The following ARHGAP42 variants were observed in gnomAD, a reference collection of about 807,000 sequenced individuals.
ARHGAP42 encodes the protein Rho GTPase activating protein 42, also known as rho GTPase-activating protein 42.
A neutral mutation model predicts 125.0 loss-of-function variants in ARHGAP42; 63 were observed. The observed-to-expected ratio is 0.50, with a 90% CI of 0.41 to 0.62. ARHGAP42 has a LOEUF of 0.62. Among genes scored for constraint, ARHGAP42 ranks in the 20% least tolerant of loss-of-function variants. ARHGAP42 has a pLI of 0.00. For missense variants in ARHGAP42, 766 were observed against 1,024.2 expected (o/e 0.75, Z 3.44); for synonymous variants, 339 against 351.0 (o/e 0.97, Z 0.38).
Position 100,779,534 on chromosome 11 carries a change from A to ATATATACGTATACATACGTATG in ARHGAP42, c.250+9100_250+9101insTACGTATACATACGTATGTATA, listed in dbSNP as rs1863231736. Among the ~76,000 whole-genome samples the ATATATACGTATACATACGTATG allele has an allele frequency of 4.4e-5, 6 of 136,490 alleles. No individual in the cohort carries two copies. In the South Asian group the frequency reaches 9.3e-4, roughly 21 times the overall value. The allele number at this position is 136,490 out of a possible 152,430, so 89.5% of individuals were successfully genotyped here. A position where few individuals can be genotyped will look rare whatever the true frequency, so the allele number is the denominator to read the frequency against. ...TATATATATACGTATACATGCGTAT[A>ATATATACGTATACATACGTATG]TATACGTATATATATACATATACAT... On this transcript the variant is annotated intron_variant, in intron 2 of 23. Transcript: ENST00000298815.
At chr11:100,861,768 T>G (rs1242113350) in intron 4 of ARHGAP42, among the ~76,000 whole-genome samples, 4 of 152,194 alleles carry the variant, frequency 2.6e-5, no homozygotes, top group Non-Finnish European at 4.4e-5. Context: ...TGAGTGAAAT[T>G]TAGGCTCCTC....
At chr11:100,848,508 T>TC (rs1418513534) in intron 3 of ARHGAP42, among the ~76,000 whole-genome samples, 1 of 148,178 alleles carries the variant, frequency 6.7e-6, no homozygotes, top group Admixed American at 6.7e-5. Context: ...CTTTCTTTCT[T>TC]TTTTTTTTTT....
At chr11:100,901,282 G>A (rs116975906) in intron 4 of ARHGAP42, among the ~76,000 whole-genome samples, 3,304 of 152,290 alleles carry the variant, frequency 0.022, 77 homozygotes, top group Non-Finnish European at 0.035. Flanking sequence ...TCCTCTGCAA[G>A]CTTCGTTCCA....
chr11:100,930,019 G>T (rs982640521), intron 6 of ARHGAP42, among the ~76,000 whole-genome samples: 2 of 152,168 alleles, frequency 1.3e-5, no homozygotes, highest in African/African-American at 4.8e-5. Context: ...AAGTAATTTG[G>T]TTCTATACCC....
chr11:100,772,618 A>G (rs1863009672), intron 2 of ARHGAP42, among the ~76,000 whole-genome samples: 2 of 152,162 alleles, frequency 1.3e-5, no homozygotes, highest in South Asian at 2.1e-4. Flanking sequence ...GGGGAAGGGC[A>G]GCATTAGGGA....
At chr11:100,987,205 T>G (rs1440547607) in intron 22 of ARHGAP42, among the ~76,000 whole-genome samples, 1 of 152,182 alleles carries the variant, frequency 6.6e-6, no homozygotes, top group African/African-American at 2.4e-5. Flanking sequence ...ATTTAGCAAC[T>G]TATTAAACAG....
intron 1 of ARHGAP42, among the ~76,000 whole-genome samples, chr11:100,702,763 C>A (rs1217464268): frequency 6.6e-6 from 1 of 151,778 alleles, no homozygotes; most frequent in Non-Finnish European, 1.5e-5. Context: ...GCTCTGCCTC[C>A]CAGGTTCAAG....
intron 4 of ARHGAP42, among the ~76,000 whole-genome samples, chr11:100,896,157 G>A (rs557589930): frequency 1.3e-5 from 2 of 152,220 alleles, no homozygotes; most frequent in South Asian, 2.1e-4. Flanking sequence ...CCATGTTCCT[G>A]CAAAGGACAT....
At position 100,694,827 on chromosome 11, in the gene ARHGAP42, G is replaced by A. The variant is rs148449416; in HGVS notation, c.154+6995G>A. 2.8e-4 allele frequency among the ~76,000 whole-genome samples: 42 copies of A among 152,300 alleles called. 1 individual carries two copies. In the East Asian group the frequency reaches 7.9e-3, roughly 29 times the overall value. ...GTGGATCACTTGAGGTCAGGAATTC[G>A]AGACCAGCCTGGCCAACATGGTGAA... On this transcript the variant is annotated intron_variant, in intron 1 of 23. Transcript: ENST00000298815.
intron 5 of ARHGAP42, among the ~76,000 whole-genome samples, chr11:100,916,697 G>T (rs1336433110): frequency 6.6e-6 from 1 of 152,020 alleles, no homozygotes; most frequent in African/African-American, 2.4e-5. Flanking sequence ...AAACATGCTA[G>T]GTAGTTGAGA....
chr11:100,888,226 C>T (rs935430506), intron 4 of ARHGAP42, among the ~76,000 whole-genome samples: 1 of 135,116 alleles, frequency 7.4e-6, no homozygotes, highest in East Asian at 6.6e-4. Flanking sequence ...TGAAAAACAG[C>T]CTTTCCTTTT....
At chr11:100,793,003 C>T (rs1863605608) in intron 2 of ARHGAP42, among the ~76,000 whole-genome samples, 1 of 152,128 alleles carries the variant, frequency 6.6e-6, no homozygotes, top group African/African-American at 2.4e-5. Context: ...ACCTGCACTC[C>T]TCAGCCTCCC....
intron 11 of ARHGAP42, among the ~76,000 whole-genome samples, chr11:100,948,948 A>T (rs1868099240): frequency 6.6e-6 from 1 of 152,134 alleles, no homozygotes; most frequent in African/African-American, 2.4e-5. Context: ...TTTAAAAAGT[A>T]TAACTTAATA....
intron 4 of ARHGAP42, among the ~76,000 whole-genome samples, chr11:100,898,253 T>C (rs1256087867): frequency 2.0e-5 from 3 of 152,236 alleles, no homozygotes; most frequent in East Asian, 1.9e-4. Context: ...CAGTATTTTA[T>C]TGAGGATTTT....
intron 12 of ARHGAP42, among the ~76,000 whole-genome samples, chr11:100,958,901 G>T (rs1000476641): frequency 1.4e-5 from 2 of 143,262 alleles, no homozygotes; most frequent in Admixed American, 7.5e-5. Flanking sequence ...TTAGTTTGTT[G>T]CTGTTACCCT....
In ARHGAP42 at chr11:100,687,818, T is replaced by A; in HGVS notation, c.140T>A (p.Ile47Asn). Residue 47 changes from isoleucine (I) to asparagine (N), a missense_variant, in exon 1 of 24, where the codon ATT becomes AAT. Around this residue, in one of 3 missense-constraint regions of ARHGAP42, gnomAD observed 455 missense variants for 636.5 expected, o/e 0.71. Transcript: ENST00000298815. ...CTCATTAAGGACGGCTCTCTGCTCATTGGGGCGTTGAGGAGTAAGTAGGGC... is the reference window on the plus strand; with the variant it reads ...CTCATTAAGGACGGCTCTCTGCTCAATGGGGCGTTGAGGAGTAAGTAGGGC... Reference protein sequence around the residue: ...KELIKDGSLLIGALRNLSMAV... With the variant: ...KELIKDGSLLNGALRNLSMAV... The A allele has an allele frequency of 6.5e-7, 1 of 1,548,574 alleles. No individual in the cohort carries two copies. Among genetic ancestry groups the A allele is most frequent in the South Asian group, 1.2e-5 (1 of 83,664 alleles).
intron 2 of ARHGAP42, among the ~76,000 whole-genome samples, chr11:100,792,593 T>C (rs1565216006): frequency 6.6e-6 from 1 of 152,222 alleles, no homozygotes; most frequent in East Asian, 1.9e-4. Context: ...CTTTCTCCTG[T>C]TCTCTCGATA....
At chr11:100,751,056 A>G (rs1339346455) in intron 1 of ARHGAP42, among the ~76,000 whole-genome samples, 1 of 150,136 alleles carries the variant, frequency 6.7e-6, no homozygotes. Context: ...CTCCTGCCTC[A>G]GCCTCCTAAG....
intron 3 of ARHGAP42, among the ~76,000 whole-genome samples, chr11:100,803,200 A>G (rs1256169931): frequency 7.7e-6 from 1 of 130,278 alleles, no homozygotes; most frequent in African/African-American, 3.0e-5. Context: ...ACATAGTGAG[A>G]TCCAATCTCT....
Sources: gnomAD v4.1 joint callset for allele counts (sites outside exome capture counted in the v4.1 genomes callset) on GRCh38, gnomAD v4.1.1 for gene constraint, gnomAD v4.1.1 regional missense constraint, MANE v1.5 for transcripts, NCBI Gene and HGNC (gene_info 2026-07-23, HGNC 2026-07-21) for gene names.